DOK5: variants seen among roughly 807,000 people sequenced by gnomAD.
DOK5 encodes the protein docking protein 5.
DOK5 carries 27 observed loss-of-function variants against 43.3 expected under a neutral mutation model. The ratio of observed to expected loss-of-function variants is 0.62; its 90% CI spans 0.46 to 0.86. DOK5 has a LOEUF of 0.86. Among genes scored for constraint, DOK5 ranks in the 40% least tolerant of loss-of-function variants. DOK5 has a pLI of 0.00. For missense variants in DOK5, 373 were observed against 392.9 expected, an observed-to-expected ratio of 0.95 and a Z score of 0.43; for synonymous variants, 146 against 140.1, an observed-to-expected ratio of 1.04 and a Z score of -0.30.
chr20:54,523,432 G>A (rs774637789), intron 1 of DOK5, among the ~76,000 whole-genome samples: 7 of 151,914 alleles, frequency 4.6e-5, no homozygotes, highest in Non-Finnish European at 1.0e-4. Context: ...TGGGCATGGT[G>A]GCCCATGCCT....
At chr20:54,479,694 G>C (rs6023276) in intron 1 of DOK5, among the ~76,000 whole-genome samples, 26,553 of 152,070 alleles carry the variant, frequency 0.17, 3,643 homozygotes, top group African/African-American at 0.38. Context: ...TGTCTACCAA[G>C]GACTTAGCAG....
rs1184285973 is a variant in DOK5, at chr20:54,538,263, A to G, written c.67-16670A>G. Among the ~76,000 whole-genome samples the G allele has an allele frequency of 2.0e-5, 3 of 150,760 alleles. No individual in the cohort carries two copies. In the East Asian group the frequency reaches 5.8e-4, roughly 29 times the overall value. Reference sequence around the variant, plus strand: ...AAGAACCTATTGATATTAAGGGAGGACCTAATAAACTCAATGAAATAATGG... The same window carrying G: ...AAGAACCTATTGATATTAAGGGAGGGCCTAATAAACTCAATGAAATAATGG... On this transcript the variant is annotated intron_variant, in intron 1 of 7. Coordinates refer to ENST00000262593, the MANE Select transcript of DOK5 (RefSeq NM_018431.5).
At chr20:54,563,170 T>G (rs1472866116) in intron 2 of DOK5, among the ~76,000 whole-genome samples, 1 of 152,170 alleles carries the variant, frequency 6.6e-6, no homozygotes, top group Non-Finnish European at 1.5e-5. Flanking sequence ...GAACCAACCC[T>G]GCCAGCACCT....
chr20:54,483,459 A>G (rs185667454), intron 1 of DOK5, among the ~76,000 whole-genome samples: 13 of 152,344 alleles, frequency 8.5e-5, no homozygotes, highest in Admixed American at 6.5e-4. Context: ...TTGACAATTT[A>G]ATTTTTGATT....
intron 6 of DOK5, among the ~76,000 whole-genome samples, chr20:54,623,484 G>T (rs929535616): frequency 4.6e-5 from 7 of 152,146 alleles, no homozygotes; most frequent in Non-Finnish European, 1.0e-4. Context: ...GCCTGGTTTT[G>T]TTAGTTCACA....
At chr20:54,553,345 G>A (rs1274486615) in intron 1 of DOK5, among the ~76,000 whole-genome samples, 3 of 151,982 alleles carry the variant, frequency 2.0e-5, no homozygotes, top group African/African-American at 4.8e-5. Context: ...GCAGGTGCCC[G>A]CCACCATGCC....
chr20:54,495,274 AGCTTTTCTTGCTTCAAT>A (rs1982347739), intron 1 of DOK5: 2 of 152,312 alleles, frequency 1.3e-5, no homozygotes, highest in Middle Eastern at 3.4e-3. Flanking sequence ...ATGTTACTTT[AGCTTTTCTTGCTTCAAT>A]GGCCTAATAG....
chr20:54,546,727 T>C (rs916125716), intron 1 of DOK5, among the ~76,000 whole-genome samples: 1 of 152,198 alleles, frequency 6.6e-6, no homozygotes, highest in Non-Finnish European at 1.5e-5. Context: ...AGTTAAATTG[T>C]ACCTTAACTT....
intron 6 of DOK5, among the ~76,000 whole-genome samples, chr20:54,615,201 T>C (rs1986767827): frequency 6.6e-6 from 1 of 152,168 alleles, no homozygotes; most frequent in African/African-American, 2.4e-5. Flanking sequence ...TTGATTTCAG[T>C]CAGCCTTATG....
At chr20:54,590,410 T>C (rs1334403690) in intron 4 of DOK5, among the ~76,000 whole-genome samples, 2 of 152,186 alleles carry the variant, frequency 1.3e-5, no homozygotes, top group Non-Finnish European at 2.9e-5. Flanking sequence ...CCTATTGTTA[T>C]TCTTGAGTGA....
At chr20:54,569,592 T>A (rs1985217764) in intron 2 of DOK5, among the ~76,000 whole-genome samples, 1 of 152,184 alleles carries the variant, frequency 6.6e-6, no homozygotes, top group African/African-American at 2.4e-5. Context: ...ACCTTTAAGT[T>A]TTTTTCTGGT....
intron 6 of DOK5, among the ~76,000 whole-genome samples, chr20:54,634,013 C>T (rs546373650): frequency 1.3e-5 from 2 of 152,344 alleles, no homozygotes; most frequent in South Asian, 2.1e-4. Flanking sequence ...CTGCTCTGCA[C>T]TCCTGGTCTC....
rs1311656454 is a variant in DOK5 at position 54,605,016 on chromosome 20, T to C, written c.600-5372T>C. The stretch of plus-strand genomic sequence containing the variant: ...GACTGTGTCTCAAAAAAAAAAAATA[T>C]ATATATATACACACACACACACACA... On this transcript the variant is annotated intron_variant, in intron 5 of 7. Coordinates refer to ENST00000262593, the MANE Select transcript of DOK5 (RefSeq NM_018431.5). Among the ~76,000 whole-genome samples, 484 of 110,442 alleles carry C rather than the reference T, an allele frequency of 4.4e-3. 5 individuals are homozygous for C. Among genetic ancestry groups the C allele is most frequent in the African/African-American group, 0.021 (441 of 21,354 alleles). 72.5% of individuals were successfully genotyped at this position (110,442 alleles called of 152,430 possible).
At position 54,650,430 on chromosome 20, in the gene DOK5, T is replaced by C; in HGVS notation, c.872T>C (p.Leu291Pro). The change falls in exon 8 of 8, where the codon CTG becomes CCG. Residue 291 changes from leucine to proline, a missense_variant. Transcript: ENST00000262593. ...TTTGGAAAAGATGTTTCCAGCCCTC[T>C]GAAGCTTCATCGAACAGAGACTTTT... ...LYRLQDVSSP[L>P]KLHRTETFPA... 2 of 1,614,112 alleles carry C rather than the reference T, an allele frequency of 1.2e-6. No homozygotes were observed. Among genetic ancestry groups the C allele is most frequent in the Non-Finnish European group, 1.7e-6 (2 of 1,179,992 alleles).
chr20:54,500,178 G>T (rs1252442094), intron 1 of DOK5, among the ~76,000 whole-genome samples: 1 of 152,094 alleles, frequency 6.6e-6, no homozygotes, highest in African/African-American at 2.4e-5. Flanking sequence ...AAAAAACAAA[G>T]GAAGAAGATG....
intron 2 of DOK5, among the ~76,000 whole-genome samples, chr20:54,571,766 C>T (rs962596463): frequency 6.6e-6 from 1 of 152,248 alleles, no homozygotes; most frequent in Non-Finnish European, 1.5e-5. Context: ...TATGATTCAC[C>T]CTAAACTCCT....
intron 1 of DOK5, among the ~76,000 whole-genome samples, chr20:54,536,971 C>A (rs1002411589): frequency 2.0e-5 from 3 of 152,218 alleles, no homozygotes; most frequent in Non-Finnish European, 4.4e-5. Context: ...ATGAGGTGCT[C>A]CTTCCTTCCC....
chr20:54,600,950 T>C (rs901080306), intron 5 of DOK5, among the ~76,000 whole-genome samples: 1 of 152,216 alleles, frequency 6.6e-6, no homozygotes, highest in African/African-American at 2.4e-5. Flanking sequence ...TAAAACCAGT[T>C]ACGGGGTATT....
chr20:54,587,016 A>C (rs1351586146), intron 2 of DOK5, among the ~76,000 whole-genome samples: 1 of 152,184 alleles, frequency 6.6e-6, no homozygotes, highest in Non-Finnish European at 1.5e-5. Context: ...TTTTGAAAAA[A>C]AAATCTGCTA....
Sources: gnomAD v4.1 joint callset for allele counts (sites outside exome capture counted in the v4.1 genomes callset) on GRCh38, gnomAD v4.1.1 for gene constraint, MANE v1.5 for transcripts, NCBI Gene and HGNC (gene_info 2026-07-23, HGNC 2026-07-21) for gene names.